Variants in MARCHF1 observed in about 807,000 individuals in gnomAD.
MARCHF1 encodes E3 ubiquitin-protein ligase MARCHF1.
A neutral mutation model predicts 54.2 loss-of-function variants in MARCHF1; 40 were observed. That is an observed-to-expected ratio of 0.74 (90% CI 0.57 to 0.96). The LOEUF is 0.96. Ranked by LOEUF, MARCHF1 falls within the 40% of genes least tolerant of loss-of-function variation. The pLI is 0.00. For missense variants in MARCHF1, 586 were observed against 656.5 expected, an observed-to-expected ratio of 0.89 and a Z score of 1.17; for synonymous variants, 236 against 236.3, an observed-to-expected ratio of 1.00 and a Z score of 0.01.
chr4:164,147,838 TA>T (rs562737442), intron 1 of MARCHF1, among the ~76,000 whole-genome samples: 8 of 120,774 alleles, frequency 6.6e-5, no homozygotes, highest in South Asian at 2.6e-4. Flanking sequence ...AAAAAGTCAA[TA>T]AAAAAAATAA....
chr4:164,361,248 T>C (rs2110925626), intron 1 of MARCHF1, among the ~76,000 whole-genome samples: 1 of 152,208 alleles, frequency 6.6e-6, no homozygotes, highest in Non-Finnish European at 1.5e-5. Flanking sequence ...CATTTAAAAA[T>C]GGACATTTCC....
chr4:164,184,066 G>T (rs912254828), intron 1 of MARCHF1, among the ~76,000 whole-genome samples: 5 of 151,924 alleles, frequency 3.3e-5, no homozygotes, highest in African/African-American at 1.2e-4. Flanking sequence ...TTGGTGGGAG[G>T]GAGGCAATAA....
chr4:164,372,974 A>G (rs1731078824), intron 1 of MARCHF1, among the ~76,000 whole-genome samples: 1 of 152,186 alleles, frequency 6.6e-6, no homozygotes, highest in South Asian at 2.1e-4. Context: ...TCTAAAAAGT[A>G]GCAAGATAAC....
At chr4:163,973,499 G>A (rs1456794625) in intron 3 of MARCHF1, among the ~76,000 whole-genome samples, 1 of 152,204 alleles carries the variant, frequency 6.6e-6, no homozygotes, top group African/African-American at 2.4e-5. Flanking sequence ...TCAAGGCTCA[G>A]CTTGCATTAT....
At chr4:164,310,552 G>C (rs1259034447) in intron 1 of MARCHF1, among the ~76,000 whole-genome samples, 1 of 151,660 alleles carries the variant, frequency 6.6e-6, no homozygotes, top group Non-Finnish European at 1.5e-5. Flanking sequence ...GTAGATTCAA[G>C]AAACTATTAA....
chr4:163,698,359 T>A (rs1579205627), intron 5 of MARCHF1, among the ~76,000 whole-genome samples: 1 of 152,268 alleles, frequency 6.6e-6, no homozygotes, highest in South Asian at 2.1e-4. Flanking sequence ...ACTTATCAAT[T>A]TAAGAAAAAG....
chr4:163,742,619 G>A (rs749622441), intron 4 of MARCHF1, among the ~76,000 whole-genome samples: 1 of 151,242 alleles, frequency 6.6e-6, no homozygotes, highest in Non-Finnish European at 1.5e-5. Context: ...TTGGACCACA[G>A]GTGCACACCA....
At chr4:164,091,011 C>T (rs1162949074) in intron 2 of MARCHF1, among the ~76,000 whole-genome samples, 4 of 152,176 alleles carry the variant, frequency 2.6e-5, no homozygotes, top group Non-Finnish European at 5.9e-5. Context: ...GAACGAGAAG[C>T]TAGGAGAATC....
At chr4:163,757,528 G>A (rs1746711792) in intron 4 of MARCHF1, among the ~76,000 whole-genome samples, 1 of 152,140 alleles carries the variant, frequency 6.6e-6, no homozygotes, top group Middle Eastern at 3.4e-3. Context: ...GCCTGTTTAG[G>A]GAAAGCTGAA....
In MARCHF1 at chr4:164,137,645, T is replaced by A. The variant is rs56068467; in HGVS notation, c.-322-25983A>T. 5.8e-3 allele frequency among the ~76,000 whole-genome samples: 881 copies of A among 152,258 alleles called. 11 individuals carry two copies. Among genetic ancestry groups the A allele is most frequent in the African/African-American group, 0.02 (851 of 41,546 alleles). Reference sequence around the variant, plus strand: ...GAATATATTTTCCTAATAAAACATGTCATATATAAAAAAGAAACACATTAA... The same window carrying A: ...GAATATATTTTCCTAATAAAACATGACATATATAAAAAAGAAACACATTAA... On this transcript the variant is annotated intron_variant, in intron 1 of 9. Coordinates refer to ENST00000514618, the MANE Select transcript of MARCHF1 (RefSeq NM_001394959.1).
chr4:163,777,551 T>C (rs1488967057), intron 4 of MARCHF1, among the ~76,000 whole-genome samples: 2 of 152,148 alleles, frequency 1.3e-5, no homozygotes, highest in East Asian at 3.8e-4. Flanking sequence ...GATAATCACT[T>C]ACAAAACAAG....
chr4:164,098,726 C>G (rs1280672744), intron 2 of MARCHF1, among the ~76,000 whole-genome samples: 2 of 152,138 alleles, frequency 1.3e-5, no homozygotes, highest in African/African-American at 4.8e-5. Flanking sequence ...ATCAAGGAGC[C>G]TTGAATGTGA....
intron 4 of MARCHF1, among the ~76,000 whole-genome samples, chr4:163,821,616 GTGAC>G (rs1482052010): frequency 1.3e-5 from 2 of 151,928 alleles, no homozygotes; most frequent in Non-Finnish European, 2.9e-5. Context: ...GAATTAGAAA[GTGAC>G]TGCTTTAATT....
intron 2 of MARCHF1, among the ~76,000 whole-genome samples, chr4:164,019,902 G>A (rs1753624705): frequency 6.6e-6 from 1 of 152,104 alleles, no homozygotes; most frequent in Non-Finnish European, 1.5e-5. Flanking sequence ...TTGACAAACT[G>A]TTTACGCTAA....
At chr4:163,893,347 C>T (rs1445377786) in intron 3 of MARCHF1, among the ~76,000 whole-genome samples, 8 of 152,094 alleles carry the variant, frequency 5.3e-5, no homozygotes, top group Non-Finnish European at 1.0e-4. Flanking sequence ...CCATGTTGGC[C>T]AGAAGGGTCT....
At chr4:164,027,245 C>T (rs961651088) in intron 2 of MARCHF1, among the ~76,000 whole-genome samples, 6 of 151,058 alleles carry the variant, frequency 4.0e-5, no homozygotes, top group African/African-American at 1.5e-4. Context: ...TTTAGAATTA[C>T]ATTTGGAAGC....
At chr4:163,698,642 G>C (rs1050641016) in intron 5 of MARCHF1, among the ~76,000 whole-genome samples, 1 of 152,034 alleles carries the variant, frequency 6.6e-6, no homozygotes, top group African/African-American at 2.4e-5. Flanking sequence ...TCATAGAAGG[G>C]AAACTAGACT....
intron 5 of MARCHF1, among the ~76,000 whole-genome samples, chr4:163,683,579 A>C (rs1255609954): frequency 6.6e-6 from 1 of 152,328 alleles, no homozygotes; most frequent in Middle Eastern, 3.4e-3. Context: ...AAGAAAAAAA[A>C]CTAGTTGGAA....
intron 2 of MARCHF1, among the ~76,000 whole-genome samples, chr4:164,108,273 CTAAG>C (rs1755751974): frequency 6.6e-6 from 1 of 152,056 alleles, no homozygotes; most frequent in Non-Finnish European, 1.5e-5. Context: ...ACATTATATA[CTAAG>C]TAAGTTCCTG....
Sources: allele counts gnomAD v4.1 joint callset (sites outside exome capture counted in the v4.1 genomes callset), GRCh38; gene constraint gnomAD v4.1.1; transcripts MANE v1.5; gene names NCBI Gene and HGNC (gene_info 2026-07-23, HGNC 2026-07-21).